NRK: variants seen among roughly 807,000 people sequenced by gnomAD.
The protein encoded by NRK is nik-related protein kinase.
In NRK, 67 loss-of-function variants were observed where a neutral mutation model predicts 125.2. That is an observed-to-expected ratio of 0.54 (90% CI 0.44 to 0.66). The LOEUF (loss-of-function observed/expected upper bound fraction) is 0.66, where lower values mean the gene tolerates loss of function less well. Among genes scored for constraint, NRK ranks in the 30% least tolerant of loss-of-function variants. The pLI is 0.00. For synonymous variants in NRK, 458 were observed against 429.0 expected (o/e 1.07, Z -0.84); for missense variants, 1,224 against 1,192.9 (o/e 1.03, Z -0.38).
In NRK at chrX:105,925,016, T is replaced by C; in HGVS notation, c.3297T>C (p.Phe1099=). ...PGLKRPASQD[F]EYLQEEPGGG... ...TGAAGAGACCTGCGTCTCAGGACTT[T>C]GAATATCTACAGGAGGTAATGCACC... is the stretch of plus-strand genomic sequence containing the variant. Residue 1099 remains phenylalanine (F), a synonymous_variant, in exon 19 of 29, where the codon TTT becomes TTC. Coordinates refer to ENST00000243300, the MANE Select transcript of NRK (RefSeq NM_198465.4). 8.3e-7 allele frequency: 1 copy of C among 1,201,782 alleles called. No individual in the cohort carries two copies. The highest frequency in any genetic ancestry group is 1.8e-5 in the South Asian group (1 of 56,498).
At chrX:105,951,221 T>C (rs2040893459) in intron 27 of NRK, among the ~76,000 whole-genome samples, 1 of 111,074 alleles carries the variant, frequency 9.0e-6, no homozygotes, top group Non-Finnish European at 1.9e-5. Flanking sequence ...GTGATCGATA[T>C]GCTAATCAGA....
At chrX:105,937,317 T>C in intron 21 of NRK, 122 bp from the exon 22 acceptor site, 1 of 381,828 alleles carries the variant, frequency 2.6e-6, no homozygotes, top group East Asian at 4.3e-5. Context: ...ATGAGGTGAA[T>C]ATAGCCTAAA....
intron 2 of NRK, among the ~76,000 whole-genome samples, chrX:105,836,481 C>G (rs1503195): frequency 1.8e-5 from 2 of 111,665 alleles, no homozygotes; most frequent in Non-Finnish European, 3.8e-5. Context: ...CACTCATTGA[C>G]TTTACCTCTT....
rs184031418 is a variant in NRK at position 105,879,159 on chromosome X, C to T, written c.124-1040C>T. On this transcript the variant is annotated intron_variant, in intron 2 of 28. Coordinates refer to ENST00000243300, the MANE Select transcript of NRK (RefSeq NM_198465.4). Reference sequence around the variant, plus strand: ...TCTGCGTTCAAATCTCCCTTCCTTTCGTCTTATAAAGAAACCGGACATTGA... The same window carrying T: ...TCTGCGTTCAAATCTCCCTTCCTTTTGTCTTATAAAGAAACCGGACATTGA... Among the ~76,000 whole-genome samples, 360 of 110,589 alleles carry T rather than the reference C, an allele frequency of 3.3e-3. 1 individual carries two copies. The highest frequency in any genetic ancestry group is 5.3e-3 in the Non-Finnish European group (278 of 52,763).
At chrX:105,873,558 A>T (rs1470455659) in intron 2 of NRK, among the ~76,000 whole-genome samples, 1 of 111,856 alleles carries the variant, frequency 8.9e-6, no homozygotes, top group Non-Finnish European at 1.9e-5. Flanking sequence ...GATTTTATTT[A>T]AAAAAATTTT....
intron 13 of NRK, among the ~76,000 whole-genome samples, chrX:105,911,603 A>G (rs184858620): frequency 9.0e-6 from 1 of 111,571 alleles, no homozygotes; most frequent in African/African-American, 3.3e-5. Flanking sequence ...GCAAGGCCCA[A>G]AAGGGAAAAT....
chrX:105,823,052 C>A (rs2039044111), intron 1 of NRK, 150 bp downstream of exon 1: 2 of 538,223 alleles, frequency 3.7e-6, no homozygotes, highest in Non-Finnish European at 5.9e-6. Flanking sequence ...AGCCGGCATG[C>A]GGAAAAGGCG....
chrX:105,934,348 T>A lies in NRK; in HGVS notation c.3403T>A (p.Ser1135Thr), dbSNP rs200701058. The change falls in exon 20 of 29, where the codon TCA becomes ACA. Residue 1135 changes from serine to threonine, a missense_variant. Physicochemically the swap from Ser to Thr is moderately conservative, Grantham distance 58 (BLOSUM62 1). Transcript: ENST00000243300. ...TCATGAGAGTGACAATAAGGACATA[T>A]CAGAATCATCAACACAATCAGATTT... Reference protein sequence around the residue: ...PDHESDNKDISESSTQSDFSA... With the variant: ...PDHESDNKDITESSTQSDFSA... 2 of 1,191,254 alleles carry A rather than the reference T, an allele frequency of 1.7e-6. No individual in the cohort carries two copies. The highest frequency in any genetic ancestry group is 2.3e-6 in the Non-Finnish European group (2 of 878,941).
rs2040252421 is a variant in NRK at position 105,908,798 on chromosome X, A to G, written c.1157A>G (p.His386Arg). 8.3e-7 allele frequency: 1 copy of G among 1,211,360 alleles called. No homozygotes were observed. The highest frequency in any genetic ancestry group is 1.8e-5 in the South Asian group (1 of 56,989). Residue 386 changes from histidine to arginine, a missense_variant, in exon 13 of 29, where the codon CAT becomes CGT. Transcript: ENST00000243300. The stretch of plus-strand genomic sequence containing the variant: ...AGATGCAGACCACTTAGAGTCCTGC[A>G]TGGGGAACCCTCTCAGCCAAGGTGG... The part of the protein sequence containing the change: ...SSRCRPLRVL[H>R]GEPSQPRWLP...
chrX:105,902,210 A>G (rs1404479834), intron 9 of NRK, among the ~76,000 whole-genome samples: 1 of 110,726 alleles, frequency 9.0e-6, no homozygotes, highest in East Asian at 2.8e-4. Flanking sequence ...AGATTACACA[A>G]ATGGCAAGCT....
rs184700615 is a variant in NRK, at chrX:105,931,750, G to A, written c.3313-2508G>A. Among the ~76,000 whole-genome samples the A allele has an allele frequency of 4.5e-5, 5 of 111,335 alleles. 1 individual carries two copies. Among genetic ancestry groups the A allele is most frequent in the Admixed American group, 3.8e-4 (4 of 10,498 alleles). On this transcript the variant is annotated intron_variant, in intron 19 of 28. Transcript: ENST00000243300. ...ATTCATTCTCTTTGTCCTTTTTTGTGAGGGGGACAAGCACCAGGTGCCACC... is the reference window on the plus strand; with the variant it reads ...ATTCATTCTCTTTGTCCTTTTTTGTAAGGGGGACAAGCACCAGGTGCCACC...
chrX:105,863,846 A>G (rs1394699653), intron 2 of NRK, among the ~76,000 whole-genome samples: 1 of 111,926 alleles, frequency 8.9e-6, no homozygotes, highest in Non-Finnish European at 1.9e-5. Context: ...CTTATGTGGT[A>G]ATTTATGAAA....
At chrX:105,863,811 T>A (rs1308050185) in intron 2 of NRK, among the ~76,000 whole-genome samples, 2 of 112,101 alleles carry the variant, frequency 1.8e-5, no homozygotes. Context: ...ACACTGACAT[T>A]TCTCAGACTG....
At chrX:105,829,143 C>T (rs1393838721) in intron 1 of NRK, among the ~76,000 whole-genome samples, 1 of 111,788 alleles carries the variant, frequency 8.9e-6, no homozygotes, top group African/African-American at 3.2e-5. Context: ...GAGTAAATAA[C>T]TTACCCAGAG....
intron 1 of NRK, 118 bp from the exon 2 acceptor site, chrX:105,830,936 A>G (rs982434866): frequency 1.9e-5 from 9 of 461,838 alleles, no homozygotes; most frequent in Non-Finnish European, 3.3e-5. Flanking sequence ...TATGTAACAA[A>G]TCTGCACGTT....
intron 5 of NRK, among the ~76,000 whole-genome samples, chrX:105,893,547 A>G (rs1321550019): frequency 8.9e-6 from 1 of 111,811 alleles, no homozygotes; most frequent in Non-Finnish European, 1.9e-5. Flanking sequence ...TTTTAAGCAT[A>G]TACAAACACC....
At chrX:105,848,337 T>C (rs1450535798) in intron 2 of NRK, among the ~76,000 whole-genome samples, 1 of 112,016 alleles carries the variant, frequency 8.9e-6, no homozygotes, top group Non-Finnish European at 1.9e-5. Flanking sequence ...TACCTAATAC[T>C]CTAATTTCCA....
Position 105,912,745 on chromosome X carries a change from A to C in NRK, c.2339A>C (p.Lys780Thr). 9.5e-7 allele frequency: 1 copy of C among 1,048,246 alleles called. No individual in the cohort carries two copies. The highest frequency in any genetic ancestry group is 1.3e-6 in the Non-Finnish European group (1 of 774,909). The allele number at this position is 1,048,246 out of a possible 1,213,427, so 86.4% of individuals were successfully genotyped here. Reference sequence around the variant, plus strand: ...TTGAAGCCATACATTTCAAATCCTAAAAAAATTGAGGTAAATTTTTCAATA... The same window carrying C: ...TTGAAGCCATACATTTCAAATCCTACAAAAATTGAGGTAAATTTTTCAATA... The part of the protein sequence containing the change: ...EPLKPYISNP[K>T]KIEVQERSPS... The change falls in exon 14 of 29, where the codon AAA becomes ACA. Residue 780 changes from lysine (K) to threonine (T), a missense_variant. By Grantham distance (78) the Lys-to-Thr change is moderately conservative. Transcript: ENST00000243300.
intron 13 of NRK, 85 bp downstream of exon 13, chrX:105,909,967 C>A: frequency 1.3e-6 from 1 of 742,293 alleles, no homozygotes; most frequent in Non-Finnish European, 1.9e-6. Flanking sequence ...TCAGTAAAAC[C>A]AAATGAAATA....
Sources: gnomAD v4.1 joint callset for allele counts (sites outside exome capture counted in the v4.1 genomes callset) on GRCh38, gnomAD v4.1.1 for gene constraint, MANE v1.5 for transcripts, NCBI Gene and HGNC (gene_info 2026-07-23, HGNC 2026-07-21) for gene names.